LUZP2: variants seen among roughly 807,000 people sequenced by gnomAD.
LUZP2 encodes the protein leucine zipper protein 2.
A neutral mutation model predicts 51.6 loss-of-function variants in LUZP2; 52 were observed. That is an observed-to-expected ratio of 1.01 (90% CI 0.81 to 1.27). LUZP2 has a LOEUF of 1.27. Ranked by LOEUF, LUZP2 falls within the 50% of genes most tolerant of loss-of-function variation. The pLI, the probability that LUZP2 is intolerant of heterozygous loss-of-function variation, is 0.00. For synonymous variants in LUZP2, 154 were observed against 137.3 expected (o/e 1.12, Z -0.85); for missense variants, 436 against 395.4 (o/e 1.10, Z -0.87).
chr11:24,602,078 A>G (rs974692898), intron 1 of LUZP2, among the ~76,000 whole-genome samples: 12 of 125,696 alleles, frequency 9.5e-5, no homozygotes, highest in African/African-American at 3.7e-4. Context: ...ATATGCGTAT[A>G]TATGTGTATA....
chr11:24,616,291 AC>A (rs1369436117), intron 1 of LUZP2, among the ~76,000 whole-genome samples: 1 of 151,748 alleles, frequency 6.6e-6, no homozygotes, highest in Non-Finnish European at 1.5e-5. Flanking sequence ...AGAAGATTTC[AC>A]CCCACCTTTT....
At chr11:24,689,397 A>G (rs142602730) in intron 1 of LUZP2, among the ~76,000 whole-genome samples, 1 of 152,290 alleles carries the variant, frequency 6.6e-6, no homozygotes, top group African/African-American at 2.4e-5. Flanking sequence ...TCCTATACCC[A>G]TTAAACTCTG....
intron 5 of LUZP2, among the ~76,000 whole-genome samples, chr11:24,802,448 A>G (rs1184589936): frequency 6.6e-6 from 1 of 151,968 alleles, no homozygotes; most frequent in Non-Finnish European, 1.5e-5. Flanking sequence ...TTTAACAGAT[A>G]TCACTGCCAC....
At chr11:25,002,457 C>T (rs1565213621) in intron 9 of LUZP2, among the ~76,000 whole-genome samples, 1 of 152,140 alleles carries the variant, frequency 6.6e-6, no homozygotes, top group Non-Finnish European at 1.5e-5. Context: ...AGCACCGGTC[C>T]CTCAAGGAAT....
At chr11:24,591,717 A>G (rs772385259) in intron 1 of LUZP2, among the ~76,000 whole-genome samples, 12 of 152,172 alleles carry the variant, frequency 7.9e-5, no homozygotes, top group Non-Finnish European at 1.5e-4. Context: ...GCCATCTGAA[A>G]AATTGTGATA....
intron 9 of LUZP2, among the ~76,000 whole-genome samples, chr11:25,001,213 G>T (rs1229468205): frequency 1.3e-5 from 2 of 152,174 alleles, no homozygotes; most frequent in East Asian, 1.9e-4. Context: ...ACTGAGAATT[G>T]GTATAGATGG....
chr11:24,721,470 A>C (rs1229955320), intron 1 of LUZP2, among the ~76,000 whole-genome samples: 1 of 152,224 alleles, frequency 6.6e-6, no homozygotes, highest in Admixed American at 6.5e-5. Flanking sequence ...AATTCTGTTG[A>C]GCACTGTAGA....
intron 9 of LUZP2, among the ~76,000 whole-genome samples, chr11:24,996,008 A>G (rs1447521585): frequency 2.0e-5 from 3 of 150,894 alleles, no homozygotes; most frequent in Admixed American, 1.3e-4. Flanking sequence ...ATATTCTTCT[A>G]TCTATAGGTT....
intron 1 of LUZP2, among the ~76,000 whole-genome samples, chr11:24,542,565 T>C (rs1851404819): frequency 1.3e-5 from 2 of 151,854 alleles, no homozygotes; most frequent in Non-Finnish European, 2.9e-5. Context: ...GAGGAGTGTA[T>C]TGGGGCAGGG....
chr11:25,014,456 A>G (rs1026824229), intron 9 of LUZP2, among the ~76,000 whole-genome samples: 1 of 152,058 alleles, frequency 6.6e-6, no homozygotes, highest in African/African-American at 2.4e-5. Context: ...ATGGTGTGAG[A>G]TGGTATCTCA....
At chr11:25,032,664 G>A (rs1181904884) in intron 9 of LUZP2, among the ~76,000 whole-genome samples, 7 of 152,030 alleles carry the variant, frequency 4.6e-5, no homozygotes, top group African/African-American at 7.2e-5. Flanking sequence ...TGGGCAAATA[G>A]CATTGATAAA....
At chr11:24,594,085 G>A (rs906612506) in intron 1 of LUZP2, among the ~76,000 whole-genome samples, 21 of 152,100 alleles carry the variant, frequency 1.4e-4, no homozygotes, top group African/African-American at 4.1e-4. Flanking sequence ...ATGCACTATC[G>A]TTTCTTACTT....
At chr11:25,072,226 C>T in intron 10 of LUZP2, among the ~76,000 whole-genome samples, 1 of 152,052 alleles carries the variant, frequency 6.6e-6, no homozygotes, top group Non-Finnish European at 1.5e-5. Context: ...TCCATCATTA[C>T]ACTTAAATCT....
At chr11:25,001,472 T>G (rs1194057974) in intron 9 of LUZP2, among the ~76,000 whole-genome samples, 1 of 152,168 alleles carries the variant, frequency 6.6e-6, no homozygotes, top group Admixed American at 6.5e-5. Flanking sequence ...AGATCCCCTG[T>G]TAGGAAACCT....
chr11:24,541,333 G>A (rs146094379), intron 1 of LUZP2, among the ~76,000 whole-genome samples: 5 of 150,832 alleles, frequency 3.3e-5, no homozygotes, highest in East Asian at 2.0e-4. Flanking sequence ...ATTAGATATC[G>A]TATCATTGCT....
At chr11:24,953,850 C>T (rs1855143539) in intron 7 of LUZP2, among the ~76,000 whole-genome samples, 1 of 151,784 alleles carries the variant, frequency 6.6e-6, no homozygotes, top group Non-Finnish European at 1.5e-5. Context: ...GTTGCAAATC[C>T]CTATTGTCTA....
At chr11:24,738,198 T>C (rs1196750387) in intron 3 of LUZP2, 23 bp from the exon 4 acceptor site, 1 of 1,470,154 alleles carries the variant, frequency 6.8e-7, no homozygotes, top group Admixed American at 1.7e-5. Flanking sequence ...TTCTCACTTA[T>C]GCTCTGTTTT....
Position 25,078,828 on chromosome 11 carries a change from TTA to T in LUZP2, c.*171_*172del, listed in dbSNP as rs1228461755. 1 of 573,436 alleles carries T rather than the reference TTA, an allele frequency of 1.7e-6. No homozygotes were observed. The highest frequency in any genetic ancestry group is 1.9e-5 in the African/African-American group (1 of 51,990). 35.5% of individuals were successfully genotyped at this position (573,436 alleles called of 1,614,324 possible). A position where few individuals can be genotyped will look rare whatever the true frequency, so the allele number is the denominator to read the frequency against. On this transcript the variant is annotated 3_prime_UTR_variant, in exon 12 of 12. Transcript: ENST00000336930. ...AAAGATTCCAGACCAATTATGATCC[TTA>T]AGCAATAACCTCATTGAATTGAATA...
At chr11:24,905,665 T>G (rs1213184004) in intron 5 of LUZP2, among the ~76,000 whole-genome samples, 1 of 152,238 alleles carries the variant, frequency 6.6e-6, no homozygotes, top group Non-Finnish European at 1.5e-5. Context: ...GACTGTATTT[T>G]AGGACGCAAA....
Sources: gnomAD v4.1 joint callset for allele counts (sites outside exome capture counted in the v4.1 genomes callset) on GRCh38, gnomAD v4.1.1 for gene constraint, MANE v1.5 for transcripts, NCBI Gene and HGNC (gene_info 2026-07-23, HGNC 2026-07-21) for gene names.